Variants in CLEC12A observed in about 807,000 individuals in gnomAD.
The protein encoded by CLEC12A is C-type lectin protein CLL-1.
Under a neutral mutation model 26.5 loss-of-function variants are expected in CLEC12A, and 22 were observed. The observed-to-expected ratio is 0.83, with a 90% CI of 0.59 to 1.19. The LOEUF is 1.19. Among genes scored for constraint, CLEC12A ranks in the 50% most tolerant of loss-of-function variants. The pLI, the probability that CLEC12A is intolerant of heterozygous loss-of-function variation, is 0.00. For missense variants in CLEC12A, 353 were observed against 315.6 expected, an observed-to-expected ratio of 1.12 and a Z score of -0.90; for synonymous variants, 119 against 101.9, an observed-to-expected ratio of 1.17 and a Z score of -1.01.
Position 9,979,129 on chromosome 12 carries a change from G to A in CLEC12A, c.190+65G>A, listed in dbSNP as rs1029023270. ...GAATTTCAAATATTTAGCAACAAAA[G>A]TTTATTCCTTCAGTGGAAGATTTAT... On this transcript the variant is annotated intron_variant, in intron 2 of 5. Coordinates refer to ENST00000304361, the MANE Select transcript of CLEC12A (RefSeq NM_138337.6). 3 of 1,336,056 alleles carry A rather than the reference G, an allele frequency of 2.2e-6. No individual in the cohort carries two copies. In the African/African-American group the frequency reaches 4.3e-5, roughly 19 times the overall value. 82.8% of individuals were successfully genotyped at this position (1,336,056 alleles called of 1,614,324 possible).
the CLEC12A span, among the ~76,000 whole-genome samples, chr12:10,004,739 C>T: frequency 3.3e-5 from 5 of 151,924 alleles, no homozygotes; most frequent in East Asian, 1.9e-4. Context: ...GGGTGGGGCA[C>T]GTGCCAGGGA....
rs371137970 is a variant in CLEC12A, at chr12:9,971,570, T to C, written c.-27T>C. The C allele has an allele frequency of 1.3e-6, 2 of 1,597,934 alleles. No individual in the cohort carries two copies. The highest frequency in any genetic ancestry group is 2.7e-5 in the African/African-American group (2 of 74,322). On this transcript the variant is annotated 5_prime_UTR_variant, in exon 1 of 6. Coordinates refer to ENST00000304361, the MANE Select transcript of CLEC12A (RefSeq NM_138337.6). ...CTCATCTTTTTGTGTTTTTACACTTTGTCAAGATTTCTTTACATATTCATC... is the reference window on the plus strand; with the variant it reads ...CTCATCTTTTTGTGTTTTTACACTTCGTCAAGATTTCTTTACATATTCATC...
chr12:9,995,386 T>C (rs576458927), exon 5 of CLEC12A: 4 of 751,942 alleles, frequency 5.3e-6, no homozygotes, highest in Non-Finnish European at 7.1e-6. Context: ...ACATTTGATG[T>C]TTGAAATTGT....
chr12:9,979,973 T>G (rs183473375), intron 3 of CLEC12A, among the ~76,000 whole-genome samples: 1 of 152,312 alleles, frequency 6.6e-6, no homozygotes, highest in East Asian at 1.9e-4. Context: ...TCTCCATAAG[T>G]TTCTATAGTC....
intron 1 of CLEC12A, among the ~76,000 whole-genome samples, chr12:9,953,592 G>A (rs1273271070): frequency 1.3e-5 from 2 of 150,522 alleles, no homozygotes; most frequent in Non-Finnish European, 2.9e-5. Flanking sequence ...AGGTGGGGGG[G>A]TCAGCCCCCT....
At chr12:9,975,971 G>T (rs909416876) in intron 1 of CLEC12A, among the ~76,000 whole-genome samples, 8 of 152,212 alleles carry the variant, frequency 5.3e-5, no homozygotes, top group Non-Finnish European at 4.4e-5. Flanking sequence ...TAGCTTCCAT[G>T]TGGTGTTGAG....
intron 1 of CLEC12A, among the ~76,000 whole-genome samples, chr12:9,954,857 A>G (rs965183297): frequency 3.3e-5 from 5 of 152,196 alleles, no homozygotes; most frequent in Non-Finnish European, 7.3e-5. Flanking sequence ...AAAAATAGAA[A>G]TGCCTTTGGA....
At chr12:9,983,524 A>T (rs770505878) in intron 5 of CLEC12A, 36 of 695,804 alleles carry the variant, frequency 5.2e-5, no homozygotes, top group Non-Finnish European at 9.1e-5. Flanking sequence ...GAAATTTGGG[A>T]AGCAGAAAAT....
downstream of CLEC12A, chr12:9,998,222 T>C (rs1402415654): frequency 1.6e-6 from 2 of 1,274,144 alleles, no homozygotes; most frequent in East Asian, 4.6e-5. Flanking sequence ...TAGTGGGATA[T>C]GCCATGACCC....
At chr12:9,996,752 T>A, downstream of CLEC12A, 1 of 1,288,128 alleles carries the variant, frequency 7.8e-7, no homozygotes. Context: ...CTGAAAGATG[T>A]TAAGAAAAAT....
intron 1 of CLEC12A, chr12:9,952,094 A>T (rs540931516): frequency 7.1e-6 from 1 of 141,820 alleles, no homozygotes; most frequent in South Asian, 2.4e-4. Context: ...CTCAAGGAAA[A>T]AAAAAAAAAC....
chr12:9,971,847 T>G (rs1269964864), intron 1 of CLEC12A, among the ~76,000 whole-genome samples, 160 bp downstream of exon 1: 1 of 152,098 alleles, frequency 6.6e-6, no homozygotes, highest in African/African-American at 2.4e-5. Context: ...ACAAAATGAT[T>G]AGAAAAAAGG....
At chr12:9,959,954 CTCTCCAACAGACT>C (rs1237361620) in intron 1 of CLEC12A, among the ~76,000 whole-genome samples, 1 of 152,178 alleles carries the variant, frequency 6.6e-6, no homozygotes, top group Non-Finnish European at 1.5e-5. Context: ...ATTAACTAGT[CTCTCCAACAGACT>C]TCATTTCTGT....
intron 1 of CLEC12A, chr12:9,952,177 CTCTCCCTCTCCCTCTCCG>C (rs1863625891): frequency 9.6e-6 from 1 of 103,972 alleles, no homozygotes; most frequent in African/African-American, 3.5e-5. Flanking sequence ...CTCCGTCTCC[CTCTCCCTCTCCCTCTCCG>C]TCTCCCTCTC....
chr12:9,958,780 A>C (rs1392965859), intron 1 of CLEC12A, among the ~76,000 whole-genome samples: 1 of 152,200 alleles, frequency 6.6e-6, no homozygotes, highest in Non-Finnish European at 1.5e-5. Flanking sequence ...GGAGATCTCA[A>C]GGAAGTTCCC....
intron 5 of CLEC12A, among the ~76,000 whole-genome samples, chr12:9,983,079 A>G (rs1467202931): frequency 6.6e-6 from 1 of 152,180 alleles, no homozygotes; most frequent in African/African-American, 2.4e-5. Context: ...GGACAGTTCC[A>G]TGACTTTGCT....
At chr12:9,967,767 G>A (rs1448706574), upstream of CLEC12A, among the ~76,000 whole-genome samples, 1 of 152,126 alleles carries the variant, frequency 6.6e-6, no homozygotes, top group African/African-American at 2.4e-5. Flanking sequence ...CAGAGAAGGA[G>A]TAGAGACACG....
At chr12:9,969,855 G>C (rs192090791), upstream of CLEC12A, among the ~76,000 whole-genome samples, 105 of 152,280 alleles carry the variant, frequency 6.9e-4, 1 homozygote, top group Non-Finnish European at 1.1e-3. Context: ...GACTTTGATG[G>C]TCTCAACTCT....
chr12:9,963,277 C>T (rs1863870223), intron 1 of CLEC12A, among the ~76,000 whole-genome samples: 1 of 150,872 alleles, frequency 6.6e-6, no homozygotes, highest in South Asian at 2.1e-4. Context: ...TTTATGTTGT[C>T]ATACACCAGG....
Sources: gnomAD v4.1 joint callset for allele counts (sites outside exome capture counted in the v4.1 genomes callset) on GRCh38, gnomAD v4.1.1 for gene constraint, MANE v1.5 for transcripts, NCBI Gene and HGNC (gene_info 2026-07-23, HGNC 2026-07-21) for gene names.